The following DZIP1L variants were observed in gnomAD, a reference collection of about 807,000 sequenced individuals.
DZIP1L encodes cilium assembly protein DZIP1L.
DZIP1L carries 90 observed loss-of-function variants against 88.7 expected under a neutral mutation model. The ratio of observed to expected loss-of-function variants is 1.02; its 90% CI spans 0.86 to 1.21. The LOEUF is 1.21. Among genes scored for constraint, DZIP1L ranks in the 50% most tolerant of loss-of-function variants. DZIP1L has a pLI of 0.00. For synonymous variants in DZIP1L, 363 were observed against 372.1 expected (o/e 0.98, Z 0.28); for missense variants, 932 against 955.8 (o/e 0.98, Z 0.33).
chr3:138,080,645 G>T (rs773868218), intron 9 of DZIP1L, 25 bp from the exon 10 acceptor site: 1 of 1,611,606 alleles, frequency 6.2e-7, no homozygotes, highest in South Asian at 1.1e-5. Flanking sequence ...AACAGTTAGT[G>T]GCACCAGTGC....
chr3:138,092,608 AC>A, intron 4 of DZIP1L, 64 bp from the exon 5 acceptor site: 1 of 1,471,646 alleles, frequency 6.8e-7, no homozygotes, highest in Non-Finnish European at 9.0e-7. Context: ...TTTACTAAGA[AC>A]CTACTTAGGC....
At chr3:138,066,325 T>C (rs531336059) in intron 14 of DZIP1L, among the ~76,000 whole-genome samples, 4 of 152,380 alleles carry the variant, frequency 2.6e-5, no homozygotes, top group African/African-American at 4.8e-5. Flanking sequence ...TATTTAACTC[T>C]ATGACCACCA....
Position 138,088,553 on chromosome 3 carries a change from T to G in DZIP1L, c.871-46A>C, listed in dbSNP as rs762570230. 7 of 1,598,234 alleles carry G rather than the reference T, an allele frequency of 4.4e-6. No individual in the cohort carries two copies. In the South Asian group the frequency reaches 6.8e-5, roughly 15 times the overall value. On this transcript the variant is annotated intron_variant, in intron 5 of 15. Transcript: ENST00000327532. The stretch of plus-strand genomic sequence containing the variant: ...TTTTATTCAGATGAAGATCTCATCA[T>G]GATGTTGTCTTTTATACCCAGAACA...
chr3:138,068,755 C>T (rs753923080), intron 12 of DZIP1L, among the ~76,000 whole-genome samples: 8 of 152,192 alleles, frequency 5.3e-5, no homozygotes, highest in Admixed American at 3.9e-4. Flanking sequence ...GAAGACCCCA[C>T]TGCCACCAGA....
intron 4 of DZIP1L, 97 bp downstream of exon 4, chr3:138,094,765 C>G: frequency 1.9e-6 from 3 of 1,548,828 alleles, no homozygotes; most frequent in Non-Finnish European, 2.6e-6. Flanking sequence ...CTCTGGGAAA[C>G]TAGCTGGAAT....
chr3:138,095,061 A>G, intron 3 of DZIP1L, 78 bp from the exon 4 acceptor site: 2 of 1,597,146 alleles, frequency 1.3e-6, no homozygotes, highest in Non-Finnish European at 1.7e-6. Context: ...CTTGTCAATC[A>G]GCCATACCTC....
rs975690240 is a variant in DZIP1L at position 138,102,594 on chromosome 3, C to T, written c.501+877G>A. On this transcript the variant is annotated intron_variant, in intron 2 of 15. Transcript: ENST00000327532. ...TGTTCTGCTGCTCCAGGAACCATAC[C>T]TTGTCTATGAAGGAGGCAAACTTGT... 1.8e-5 allele frequency: 27 copies of T among 1,470,908 alleles called. No homozygotes were observed. The African/African-American group carries it at 3.2e-4, about 17-fold the overall frequency. The allele number at this position is 1,470,908 out of a possible 1,614,324, so 91.1% of individuals were successfully genotyped here.
Position 138,062,941 on chromosome 3 carries a change from A to G in DZIP1L, c.2179T>C (p.Leu727=). The change falls in exon 16 of 16, where the codon TTG becomes CTG. Residue 727 remains leucine (L), a synonymous_variant. Coordinates refer to ENST00000327532, the MANE Select transcript of DZIP1L (RefSeq NM_173543.3). ...TCCAGGTCCAGAGGAAGATCTTCCA[A>G]GGAGGAGATCTCCAAGTCACTCTCA... ...EDESDLEISS[L]EDLPLDLDQR... is the part of the protein sequence containing the mutation. 1 of 1,614,184 alleles carries G rather than the reference A, an allele frequency of 6.2e-7. No homozygotes were observed. Among genetic ancestry groups the G allele is most frequent in the Non-Finnish European group, 8.5e-7 (1 of 1,180,044 alleles).
intron 1 of DZIP1L, among the ~76,000 whole-genome samples, chr3:138,111,909 T>C (rs2042626442): frequency 6.6e-6 from 1 of 151,732 alleles, no homozygotes; most frequent in Admixed American, 6.6e-5. Flanking sequence ...GCAGGAGAAC[T>C]GCTTGAACCC....
At chr3:138,099,378 C>A (rs1336892285) in intron 2 of DZIP1L, among the ~76,000 whole-genome samples, 1 of 152,142 alleles carries the variant, frequency 6.6e-6, no homozygotes, top group African/African-American at 2.4e-5. Context: ...AACAATTCTT[C>A]TTCTTCCAAT....
chr3:138,108,238 C>A, intron 1 of DZIP1L: 2 of 985,268 alleles, frequency 2.0e-6, no homozygotes, highest in Non-Finnish European at 1.2e-6. Context: ...GCCTCAGAGA[C>A]GACTACTCAC....
intron 2 of DZIP1L, chr3:138,102,416 T>C (rs1487263225): frequency 2.8e-6 from 4 of 1,403,896 alleles, no homozygotes; most frequent in Non-Finnish European, 4.0e-6. Context: ...AGCCCCTGCA[T>C]GTTGCCAAGC....
intron 7 of DZIP1L, among the ~76,000 whole-genome samples, chr3:138,084,779 AAATGTGAATGTG>A (rs561589872): frequency 6.6e-6 from 1 of 152,220 alleles, no homozygotes; most frequent in African/African-American, 2.4e-5. Context: ...TTGGAACAGG[AAATGTGAATGTG>A]AATGTGAATG....
intron 11 of DZIP1L, among the ~76,000 whole-genome samples, chr3:138,076,672 C>T (rs112533263): frequency 3.3e-5 from 5 of 152,116 alleles, no homozygotes; most frequent in Non-Finnish European, 7.3e-5. Flanking sequence ...AACCAAACAT[C>T]GTATGTTCTC....
chr3:138,089,930 C>T (rs190379328), intron 5 of DZIP1L, among the ~76,000 whole-genome samples: 296 of 152,174 alleles, frequency 1.9e-3, no homozygotes, highest in African/African-American at 6.4e-3. Context: ...GGACAGATCA[C>T]TTGAGCCCAG....
intron 10 of DZIP1L, among the ~76,000 whole-genome samples, chr3:138,079,765 C>T (rs1312231388): frequency 6.6e-6 from 1 of 151,984 alleles, no homozygotes; most frequent in African/African-American, 2.4e-5. Flanking sequence ...TAAAGAAAAA[C>T]ATTACATTAA....
At chr3:138,067,232 T>C (rs549791167) in intron 14 of DZIP1L, among the ~76,000 whole-genome samples, 35 of 152,264 alleles carry the variant, frequency 2.3e-4, no homozygotes, top group African/African-American at 8.2e-4. Flanking sequence ...GGAAAGAACA[T>C]GGAGGAGAAA....
intron 14 of DZIP1L, among the ~76,000 whole-genome samples, chr3:138,065,742 G>A (rs1942863799): frequency 6.6e-6 from 1 of 152,186 alleles, no homozygotes; most frequent in Non-Finnish European, 1.5e-5. Flanking sequence ...TGACATCCCA[G>A]GGTTTCTACT....
intron 1 of DZIP1L, among the ~76,000 whole-genome samples, chr3:138,113,976 A>G (rs1468922013): frequency 6.6e-6 from 1 of 151,562 alleles, no homozygotes; most frequent in East Asian, 1.9e-4. Flanking sequence ...AGAGAAGAGG[A>G]ATGAATACTG....
Sources: allele counts gnomAD v4.1 joint callset (sites outside exome capture counted in the v4.1 genomes callset), GRCh38; gene constraint gnomAD v4.1.1; transcripts MANE v1.5; gene names NCBI Gene and HGNC (gene_info 2026-07-23, HGNC 2026-07-21).